SRGAP3: variants seen among roughly 807,000 people sequenced by gnomAD.
The protein encoded by SRGAP3 is SLIT-ROBO Rho GTPase activating protein 3, also known as SLIT-ROBO Rho GTPase-activating protein 3.
SRGAP3 carries 39 observed loss-of-function variants against 121.1 expected under a neutral mutation model. That is an observed-to-expected ratio of 0.32 (90% CI 0.25 to 0.42). The LOEUF (loss-of-function observed/expected upper bound fraction) is 0.42. Among genes scored for constraint, SRGAP3 ranks in the 10% least tolerant of loss-of-function variants. The pLI is 1.00. For synonymous variants in SRGAP3, 601 were observed against 570.0 expected (o/e 1.05, Z -0.77); for missense variants, 1,213 against 1,470.6 (o/e 0.82, Z 2.86).
chr3:9,334,829 G>C (rs1442797512), intron 1 of SRGAP3, among the ~76,000 whole-genome samples: 1 of 152,194 alleles, frequency 6.6e-6, no homozygotes, highest in Non-Finnish European at 1.5e-5. Context: ...ATGTCCCTTA[G>C]CCCTCTGGTT....
Position 9,249,172 on chromosome 3 carries a change from G to C in SRGAP3, c.-221C>G. On this transcript the variant is annotated 5_prime_UTR_variant, in exon 1 of 22. Coordinates refer to ENST00000383836, the MANE Select transcript of SRGAP3 (RefSeq NM_014850.4). ...GAAATGGCTCTAGTAGCTTGCCCTG[G>C]TCAGCTCCTCTTGCAAAAGAAGAAT... 1.7e-6 allele frequency: 1 copy of C among 597,712 alleles called. No individual in the cohort carries two copies. Among genetic ancestry groups the C allele is most frequent in the Non-Finnish European group, 3.0e-6 (1 of 335,902 alleles). The allele number at this position is 597,712 out of a possible 1,614,324, so 37.0% of individuals were successfully genotyped here.
chr3:9,128,201 A>G (rs188176175), intron 1 of SRGAP3, among the ~76,000 whole-genome samples: 125 of 152,354 alleles, frequency 8.2e-4, no homozygotes, highest in African/African-American at 2.7e-3. Flanking sequence ...CGCCCATCTC[A>G]TTATGAGAAG....
At chr3:9,284,325 T>C (rs566653574) in intron 3 of SRGAP3, among the ~76,000 whole-genome samples, 1 of 152,354 alleles carries the variant, frequency 6.6e-6, no homozygotes, top group South Asian at 2.1e-4. Flanking sequence ...TAATAATGTG[T>C]ACTGCTTTGT....
intron 14 of SRGAP3, among the ~76,000 whole-genome samples, chr3:9,019,769 G>C (rs902668037): frequency 6.6e-6 from 1 of 152,230 alleles, no homozygotes. Context: ...GCATGAGCCA[G>C]AGTTCAGTTC....
intron 9 of SRGAP3, chr3:9,049,533 C>T (rs779467970): frequency 2.6e-5 from 12 of 455,564 alleles, no homozygotes; most frequent in Non-Finnish European, 4.4e-5. Context: ...GGCAGATTAC[C>T]GAGCATTTCT....
intron 5 of SRGAP3, among the ~76,000 whole-genome samples, chr3:9,060,744 GT>G (rs34124172): frequency 0.56 from 84,376 of 151,024 alleles, 24,006 homozygotes; most frequent in South Asian, 0.68. Context: ...CGGCCCAGTG[GT>G]TTTTTTTTTC....
chr3:9,189,862 T>A (rs1951701054), intron 1 of SRGAP3, among the ~76,000 whole-genome samples: 1 of 152,212 alleles, frequency 6.6e-6, no homozygotes, highest in Admixed American at 6.5e-5. Flanking sequence ...TCTCCCTGAA[T>A]CTCTTATTTT....
intron 10 of SRGAP3, 137 bp from the exon 11 acceptor site, chr3:9,038,227 G>C: frequency 8.1e-7 from 1 of 1,227,198 alleles, no homozygotes. Context: ...CTAAGGTGCG[G>C]TCTGTTGAAA....
intron 9 of SRGAP3, among the ~76,000 whole-genome samples, chr3:9,049,023 C>A (rs34549799): frequency 0.35 from 52,523 of 151,880 alleles, 9,381 homozygotes; most frequent in African/African-American, 0.45. Flanking sequence ...GGTAGATGTG[C>A]CTGCCCCAAA....
At chr3:9,215,166 G>A (rs998018085) in intron 1 of SRGAP3, among the ~76,000 whole-genome samples, 2 of 152,212 alleles carry the variant, frequency 1.3e-5, no homozygotes, top group African/African-American at 4.8e-5. Flanking sequence ...AGAAGGTCTA[G>A]GAAGCAATTT....
At chr3:9,212,178 C>T (rs79672117) in intron 1 of SRGAP3, among the ~76,000 whole-genome samples, 4,358 of 152,228 alleles carry the variant, frequency 0.029, 92 homozygotes, top group Non-Finnish European at 0.043. Flanking sequence ...TGTCACTTTG[C>T]GTGTGAGTTT....
At chr3:8,989,297 G>C (rs1228811732) in intron 21 of SRGAP3, among the ~76,000 whole-genome samples, 1 of 152,218 alleles carries the variant, frequency 6.6e-6, no homozygotes, top group East Asian at 1.9e-4. Flanking sequence ...TCAAGTATGG[G>C]GGGGACCAGC....
chr3:9,059,913 C>G (rs7644129), intron 6 of SRGAP3: 3 of 397,030 alleles, frequency 7.6e-6, no homozygotes, highest in African/African-American at 4.2e-5. Context: ...ATGGTTCCCC[C>G]CTGAACCCCT....
intron 1 of SRGAP3, among the ~76,000 whole-genome samples, chr3:9,244,743 T>A (rs1953763589): frequency 6.6e-6 from 1 of 152,158 alleles, no homozygotes; most frequent in Non-Finnish European, 1.5e-5. Flanking sequence ...ATGATATCAC[T>A]CCCGGCAAGG....
intron 1 of SRGAP3, among the ~76,000 whole-genome samples, chr3:9,170,564 G>A (rs775956615): frequency 7.2e-5 from 11 of 152,150 alleles, no homozygotes; most frequent in Non-Finnish European, 1.2e-4. Flanking sequence ...TCCAAATGGG[G>A]AGAAGGTTTT....
At chr3:9,362,957 C>T (rs1182036468) in exon 1 of SRGAP3, 1 of 152,314 alleles carries the variant, frequency 6.6e-6, no homozygotes, top group Non-Finnish European at 1.5e-5. Context: ...CAGCACACAG[C>T]TTCCAGCGCA....
At chr3:9,066,561 A>G (rs138381268) in intron 4 of SRGAP3, among the ~76,000 whole-genome samples, 197 of 152,172 alleles carry the variant, frequency 1.3e-3, no homozygotes, top group African/African-American at 4.6e-3. Flanking sequence ...GTGCAGTAGC[A>G]TGATCTTGGC....
At chr3:9,189,915 C>A (rs1166801272) in intron 1 of SRGAP3, among the ~76,000 whole-genome samples, 3 of 152,224 alleles carry the variant, frequency 2.0e-5, no homozygotes, top group Non-Finnish European at 4.4e-5. Flanking sequence ...TCTAAGAGTA[C>A]AGTCATAATA....
In SRGAP3 at chr3:9,329,369, T is replaced by C. The variant is rs970781842; in HGVS notation, n.283+1159A>G. 7.2e-5 allele frequency among the ~76,000 whole-genome samples: 11 copies of C among 152,064 alleles called. No homozygotes were observed. The East Asian group carries it at 1.9e-3, about 27-fold the overall frequency. ...GACCCAGCTTGCTGCACCATCACAC[T>C]GGGGGCCAAGCTGCATCATAAAGGA... On this transcript the variant is annotated intron_variant and non_coding_transcript_variant, in intron 2 of 3. Coordinates refer to the SRGAP3 transcript ENST00000490889.
Sources: gnomAD v4.1 joint callset for allele counts (sites outside exome capture counted in the v4.1 genomes callset) on GRCh38, gnomAD v4.1.1 for gene constraint, MANE v1.5 for transcripts, NCBI Gene and HGNC (gene_info 2026-07-23, HGNC 2026-07-21) for gene names.